Variants in DGKB observed in about 807,000 individuals in gnomAD.
DGKB encodes 90 kDa diacylglycerol kinase.
Under a neutral mutation model 114.3 loss-of-function variants are expected in DGKB, and 67 were observed. That is an observed-to-expected ratio of 0.59 (90% confidence interval 0.48 to 0.72). DGKB has a LOEUF of 0.72. DGKB is among the 30% of genes least tolerant of loss of function. The probability of loss-of-function intolerance (pLI) is 0.00; values close to 1 mark genes in which losing one functional copy is unlikely to be tolerated. For missense variants in DGKB, 907 were observed against 975.2 expected (o/e 0.93, Z 0.93); for synonymous variants, 398 against 323.1 (o/e 1.23, Z -2.49).
intron 16 of DGKB, among the ~76,000 whole-genome samples, chr7:14,607,961 G>A (rs1044459975): frequency 2.6e-5 from 4 of 151,570 alleles, no homozygotes; most frequent in Admixed American, 6.6e-5. Context: ...TATATGAAAC[G>A]GGACTGTACA....
chr7:14,802,058 T>C (rs916630567), intron 2 of DGKB, among the ~76,000 whole-genome samples: 3 of 152,008 alleles, frequency 2.0e-5, no homozygotes, highest in Non-Finnish European at 4.4e-5. Flanking sequence ...TTTCCAGAAG[T>C]CCCTGACTAA....
At chr7:14,788,147 A>C (rs1320070063) in intron 2 of DGKB, among the ~76,000 whole-genome samples, 1 of 152,216 alleles carries the variant, frequency 6.6e-6, no homozygotes, top group Admixed American at 6.5e-5. Context: ...TTGCTATTGA[A>C]GGATGGGCAC....
intron 2 of DGKB, among the ~76,000 whole-genome samples, chr7:14,811,813 C>T (rs904483632): frequency 4.6e-5 from 7 of 151,532 alleles, no homozygotes; most frequent in African/African-American, 7.3e-5. Context: ...CACACACACA[C>T]AACCATTTTT....
intron 10 of DGKB, among the ~76,000 whole-genome samples, chr7:14,684,975 G>A (rs1022475461): frequency 6.6e-6 from 1 of 151,968 alleles, no homozygotes; most frequent in African/African-American, 2.4e-5. Context: ...TGAAGAAATG[G>A]GAAACATGAA....
chr7:14,748,347 GC>G, intron 4 of DGKB, among the ~76,000 whole-genome samples: 1 of 152,184 alleles, frequency 6.6e-6, no homozygotes. Context: ...GGGGGAATGT[GC>G]TTGCAGTTTT....
chr7:14,969,663 A>T (rs1391127867), intron 1 of DGKB, among the ~76,000 whole-genome samples: 2 of 152,274 alleles, frequency 1.3e-5, no homozygotes, highest in East Asian at 3.9e-4. Flanking sequence ...CTAATGCCTG[A>T]TGATCCCAAA....
chr7:14,465,602 A>C (rs1291752400), intron 21 of DGKB, among the ~76,000 whole-genome samples: 2 of 152,192 alleles, frequency 1.3e-5, no homozygotes, highest in African/African-American at 4.8e-5. Context: ...CACAGCCCCC[A>C]GGTTGATGCC....
chr7:14,431,356 T>C, intron 21 of DGKB, among the ~76,000 whole-genome samples: 1 of 152,170 alleles, frequency 6.6e-6, no homozygotes, highest in Middle Eastern at 3.2e-3. Context: ...AAACTTGTAA[T>C]ATTCATTTAC....
intron 1 of DGKB, among the ~76,000 whole-genome samples, chr7:14,966,446 G>GTA (rs141065134): frequency 0.2 from 29,341 of 148,730 alleles, 3,072 homozygotes; most frequent in African/African-American, 0.29. Context: ...ATATTTGTGT[G>GTA]TATATATATA....
At chr7:14,816,195 A>G (rs769727061) in intron 2 of DGKB, among the ~76,000 whole-genome samples, 13 of 152,160 alleles carry the variant, frequency 8.5e-5, no homozygotes, top group South Asian at 4.2e-4. Flanking sequence ...TTAGCTGGAC[A>G]TAGTGGCATG....
chr7:14,875,959 T>C lies in DGKB; in HGVS notation c.-188+26633A>G, dbSNP rs147004781. Among the ~76,000 whole-genome samples the C allele has an allele frequency of 5.3e-5, 8 of 152,258 alleles. 1 individual carries two copies. Among genetic ancestry groups the C allele is most frequent in the African/African-American group, 1.9e-4 (8 of 41,562 alleles). On this transcript the variant is annotated intron_variant, in intron 1 of 25. Transcript: ENST00000402815. ...ACTCTTGGGATAAAAGGAAATCATC[T>C]CCTTACACGGTTGAGCATTATTCAG...
rs533338532 is a variant in DGKB, at chr7:14,311,965, C to T, written c.2122+26550G>A. On this transcript the variant is annotated intron_variant, in intron 23 of 25. Transcript: ENST00000402815. ...GTATATGACAGTGGATAACTGTAAA[C>T]TTATCCAGACAGTAACACCAATTGC... Among the ~76,000 whole-genome samples, 14 of 151,916 alleles carry T rather than the reference C, an allele frequency of 9.2e-5. No homozygotes were observed. In the South Asian group the frequency reaches 2.7e-3, roughly 29 times the overall value.
chr7:14,515,973 T>C (rs1403481734), intron 20 of DGKB, among the ~76,000 whole-genome samples: 1 of 152,130 alleles, frequency 6.6e-6, no homozygotes, highest in Non-Finnish European at 1.5e-5. Context: ...GCCTCTTCAG[T>C]AGCTGGAACT....
chr7:14,342,838 C>T (rs191867736), intron 22 of DGKB, among the ~76,000 whole-genome samples: 1 of 151,758 alleles, frequency 6.6e-6, no homozygotes, highest in East Asian at 1.9e-4. Context: ...AAGGTGCTCA[C>T]TATGTGAAAG....
chr7:14,250,017 C>T (rs935462018), intron 23 of DGKB, among the ~76,000 whole-genome samples: 18 of 151,654 alleles, frequency 1.2e-4, no homozygotes, highest in Non-Finnish European at 2.4e-4. Context: ...TGCAGTCGTG[C>T]AATCATGGGT....
intron 14 of DGKB, among the ~76,000 whole-genome samples, chr7:14,626,502 T>C (rs953605): frequency 0.27 from 41,077 of 152,108 alleles, 6,352 homozygotes; most frequent in East Asian, 0.68. Context: ...AGGTATCATA[T>C]AGATTCACAG....
At chr7:14,905,910 G>C (rs919102278), upstream of DGKB, among the ~76,000 whole-genome samples, 1 of 152,090 alleles carries the variant, frequency 6.6e-6, no homozygotes, top group South Asian at 2.1e-4. Context: ...AATTCTTTTC[G>C]TCTTTTTTCT....
intron 1 of DGKB, among the ~76,000 whole-genome samples, chr7:14,971,785 G>C (rs919855949): frequency 6.9e-6 from 1 of 143,976 alleles, no homozygotes. Flanking sequence ...TTTTTGAGGT[G>C]GAGTTTCACT....
chr7:14,658,133 CAT>C (rs1324264116), intron 13 of DGKB, among the ~76,000 whole-genome samples: 1 of 151,806 alleles, frequency 6.6e-6, no homozygotes, highest in Non-Finnish European at 1.5e-5. Flanking sequence ...GTTAATATGA[CAT>C]ATGGTTTTCT....
Sources: allele counts gnomAD v4.1 joint callset (sites outside exome capture counted in the v4.1 genomes callset), GRCh38; gene constraint gnomAD v4.1.1; transcripts MANE v1.5; gene names NCBI Gene and HGNC (gene_info 2026-07-23, HGNC 2026-07-21).